The following MAPK4 variants were observed in gnomAD, a reference collection of about 807,000 sequenced individuals.
MAPK4 encodes the protein Erk3-related.
MAPK4 carries 22 observed loss-of-function variants against 47.7 expected under a neutral mutation model. That is an observed-to-expected ratio of 0.46 (90% CI 0.33 to 0.66). MAPK4 has a LOEUF of 0.66. MAPK4 is among the 30% of genes least tolerant of loss of function. MAPK4 has a pLI of 0.02. For synonymous variants in MAPK4, 390 were observed against 365.7 expected (o/e 1.07, Z -0.76); for missense variants, 736 against 831.7 (o/e 0.88, Z 1.42).
chr18:50,673,701 A>G (rs1009740057), intron 2 of MAPK4, among the ~76,000 whole-genome samples: 5 of 151,930 alleles, frequency 3.3e-5, no homozygotes, highest in Non-Finnish European at 5.9e-5. Flanking sequence ...CTAAAAATAC[A>G]AAAAATTAGC....
chr18:50,632,247 C>T (rs141460871), intron 1 of MAPK4, among the ~76,000 whole-genome samples: 55 of 152,296 alleles, frequency 3.6e-4, no homozygotes, highest in Non-Finnish European at 7.6e-4. Flanking sequence ...CCAAATTTCA[C>T]GTGGCTGGGA....
At chr18:50,567,618 T>C (rs902902568) in intron 1 of MAPK4, among the ~76,000 whole-genome samples, 1 of 152,238 alleles carries the variant, frequency 6.6e-6, no homozygotes, top group Non-Finnish European at 1.5e-5. Context: ...ATTGATAACA[T>C]ACTTGTTTTG....
In MAPK4 at chr18:50,663,823, C is replaced by A. The variant is rs770553702; in HGVS notation, c.-136C>A. ...GTCTCCAGAGAGCTGGTGGCAGTGA[C>A]CTCACTAGGAGAAAACACATCCCTC... On this transcript the variant is annotated 5_prime_UTR_variant, in exon 2 of 6. Transcript: ENST00000400384. 5.6e-6 allele frequency: 4 copies of A among 709,458 alleles called. No individual in the cohort carries two copies. Among genetic ancestry groups the A allele is most frequent in the Middle Eastern group, 3.7e-4 (1 of 2,686 alleles). 43.9% of individuals were successfully genotyped at this position (709,458 alleles called of 1,614,324 possible).
chr18:50,654,175 C>T (rs2043082495), intron 1 of MAPK4, among the ~76,000 whole-genome samples: 1 of 152,208 alleles, frequency 6.6e-6, no homozygotes, highest in Non-Finnish European at 1.5e-5. Flanking sequence ...ATGGGCTAAC[C>T]CTGCAGGTAG....
chr18:50,636,720 C>CTGAAT (rs2042892103), intron 1 of MAPK4, among the ~76,000 whole-genome samples: 1 of 152,196 alleles, frequency 6.6e-6, no homozygotes, highest in African/African-American at 2.4e-5. Flanking sequence ...TTTCCTAAAG[C>CTGAAT]TGAATTTTTA....
rs116140763 is a variant in MAPK4 at position 50,628,027 on chromosome 18, C to A, written c.-870-35062C>A. On this transcript the variant is annotated intron_variant, in intron 1 of 5. Transcript: ENST00000400384. ...ATAAGCTCCCACCAGGCCACCACAC[C>A]CATTGGTCTGCGTGGTGACTCCTGA... Among the ~76,000 whole-genome samples, 793 of 152,230 alleles carry A rather than the reference C, an allele frequency of 5.2e-3. 8 individuals are homozygous for A. The highest frequency in any genetic ancestry group is 0.018 in the African/African-American group (757 of 41,528).
chr18:50,677,190 C>T (rs975757245), intron 2 of MAPK4, among the ~76,000 whole-genome samples: 11 of 152,318 alleles, frequency 7.2e-5, no homozygotes, highest in African/African-American at 2.2e-4. Context: ...GCTCCTCTTC[C>T]CGGTCCGTGG....
intron 1 of MAPK4, among the ~76,000 whole-genome samples, chr18:50,591,516 A>T (rs1463262136): frequency 6.6e-6 from 1 of 150,668 alleles, no homozygotes; most frequent in Admixed American, 6.7e-5. Context: ...ACTCTAAAAC[A>T]TGCATTGTTG....
At chr18:50,583,617 C>T (rs951206020) in intron 1 of MAPK4, among the ~76,000 whole-genome samples, 1 of 152,098 alleles carries the variant, frequency 6.6e-6, no homozygotes, top group Non-Finnish European at 1.5e-5. Context: ...AAACAAGGAA[C>T]CAATTGATAG....
At chr18:50,665,150 G>A (rs1456956586) in intron 2 of MAPK4, among the ~76,000 whole-genome samples, 6 of 152,224 alleles carry the variant, frequency 3.9e-5, no homozygotes, top group Non-Finnish European at 7.3e-5. Context: ...CGTGGTGGGT[G>A]CTAAATGCTC....
At chr18:50,639,698 T>C (rs1209150761) in intron 1 of MAPK4, among the ~76,000 whole-genome samples, 2 of 152,204 alleles carry the variant, frequency 1.3e-5, no homozygotes, top group African/African-American at 4.8e-5. Context: ...CGTTTTCCGA[T>C]GTCTTTAAAT....
intron 2 of MAPK4, chr18:50,705,813 C>T (rs555985934): frequency 6.6e-6 from 1 of 152,338 alleles, no homozygotes; most frequent in East Asian, 1.9e-4. Context: ...TCTGGACCAC[C>T]CACCCCATCA....
chr18:50,701,585 C>T (rs1909788330), intron 2 of MAPK4, among the ~76,000 whole-genome samples: 1 of 152,072 alleles, frequency 6.6e-6, no homozygotes, highest in Non-Finnish European at 1.5e-5. Context: ...GGAATAACTT[C>T]TAGAAATCCT....
chr18:50,590,785 C>T (rs961029385), intron 1 of MAPK4, among the ~76,000 whole-genome samples: 4 of 152,124 alleles, frequency 2.6e-5, no homozygotes, highest in Non-Finnish European at 4.4e-5. Context: ...TGCAGCTTGT[C>T]GTCCTTACAT....
chr18:50,631,033 A>G (rs914233967), intron 1 of MAPK4, among the ~76,000 whole-genome samples: 2 of 152,188 alleles, frequency 1.3e-5, no homozygotes, highest in Non-Finnish European at 2.9e-5. Context: ...CAGTCCTTTC[A>G]CAGTGATTCG....
At chr18:50,674,711 C>T (rs1908161021) in intron 2 of MAPK4, among the ~76,000 whole-genome samples, 1 of 152,212 alleles carries the variant, frequency 6.6e-6, no homozygotes, top group South Asian at 2.1e-4. Flanking sequence ...CTGTGCAAAG[C>T]CGTTATCCCC....
At chr18:50,616,740 T>G (rs551858363) in intron 1 of MAPK4, among the ~76,000 whole-genome samples, 2 of 152,290 alleles carry the variant, frequency 1.3e-5, no homozygotes, top group African/African-American at 4.8e-5. Flanking sequence ...GCAGGAAGCA[T>G]CCAACATGGG....
intron 2 of MAPK4, among the ~76,000 whole-genome samples, chr18:50,710,529 G>C (rs1910295867): frequency 6.6e-6 from 1 of 151,924 alleles, no homozygotes. Context: ...TGTAATCCCA[G>C]CACTTTGGGA....
At chr18:50,564,156 C>T (rs2042178351) in intron 1 of MAPK4, among the ~76,000 whole-genome samples, 1 of 152,198 alleles carries the variant, frequency 6.6e-6, no homozygotes, top group Non-Finnish European at 1.5e-5. Context: ...GGTAGTGGCT[C>T]TCTGTGAGCC....
Sources: gnomAD v4.1 joint callset for allele counts (sites outside exome capture counted in the v4.1 genomes callset) on GRCh38, gnomAD v4.1.1 for gene constraint, MANE v1.5 for transcripts, NCBI Gene and HGNC (gene_info 2026-07-23, HGNC 2026-07-21) for gene names.